The following CTNND2 variants were observed in gnomAD, a reference collection of about 807,000 sequenced individuals.
The protein encoded by CTNND2 is catenin delta-2.
Under a neutral mutation model 144.4 loss-of-function variants are expected in CTNND2, and 22 were observed. The observed-to-expected ratio is 0.15, with a 90% confidence interval of 0.11 to 0.22. CTNND2 has a LOEUF of 0.22. Ranked by LOEUF, CTNND2 falls within the 10% of genes least tolerant of loss-of-function variation. The pLI, the probability that CTNND2 is intolerant of heterozygous loss-of-function variation, is 1.00. For synonymous variants in CTNND2, 751 were observed against 695.6 expected, an observed-to-expected ratio of 1.08 and a Z score of -1.25; for missense variants, 1,353 against 1,618.8, an observed-to-expected ratio of 0.84 and a Z score of 2.82.
intron 18 of CTNND2, among the ~76,000 whole-genome samples, chr5:11,009,889 T>C (rs1487328393): frequency 7.2e-6 from 1 of 139,030 alleles, no homozygotes; most frequent in Non-Finnish European, 1.6e-5. Context: ...ATCATATGAG[T>C]GTCTGAGAGT....
rs2907102 is a variant in CTNND2, at chr5:11,075,408, G to A, written c.2788+7288C>T. Among the ~76,000 whole-genome samples the A allele has an allele frequency of 3.9e-5, 6 of 152,182 alleles. No individual in the cohort carries two copies. The South Asian group carries it at 8.3e-4, about 21-fold the overall frequency. ...TCAGTCAAAGGAAGATTCTTACACAGCCTCCCCAATGTGGTGAAGCAGCCA... is the reference window on the plus strand; with the variant it reads ...TCAGTCAAAGGAAGATTCTTACACAACCTCCCCAATGTGGTGAAGCAGCCA... On this transcript the variant is annotated intron_variant, in intron 16 of 21. Coordinates refer to ENST00000304623, the MANE Select transcript of CTNND2 (RefSeq NM_001332.4).
rs537386534 is a variant in CTNND2, at chr5:11,740,976, G to A, written c.38-8704C>T. On this transcript the variant is annotated intron_variant, in intron 1 of 21. Coordinates refer to ENST00000304623, the MANE Select transcript of CTNND2 (RefSeq NM_001332.4). ...ACAGACACATGAAAAAATTCTCATC[G>A]TCACTGGTCATCAGAGAAATGCAAA... 2.7e-4 allele frequency among the ~76,000 whole-genome samples: 41 copies of A among 152,160 alleles called. No homozygotes were observed. The South Asian group carries it at 4.4e-3, about 16-fold the overall frequency.
chr5:11,596,208 G>A (rs1274723993), intron 2 of CTNND2, among the ~76,000 whole-genome samples: 5 of 152,132 alleles, frequency 3.3e-5, no homozygotes, highest in Admixed American at 6.5e-5. Context: ...GAAATAACTC[G>A]ACTTGTTTGA....
chr5:11,605,421 A>G (rs1280593556), intron 2 of CTNND2, among the ~76,000 whole-genome samples: 1 of 152,248 alleles, frequency 6.6e-6, no homozygotes, highest in Non-Finnish European at 1.5e-5. Flanking sequence ...GGTAAGTCCT[A>G]TAAAGAAAGT....
chr5:11,183,518 A>G (rs1302750411), intron 11 of CTNND2, among the ~76,000 whole-genome samples: 1 of 151,202 alleles, frequency 6.6e-6, no homozygotes, highest in Admixed American at 6.6e-5. Flanking sequence ...CTAAGGCCCC[A>G]CTGCTAAAGA....
intron 12 of CTNND2, among the ~76,000 whole-genome samples, chr5:11,144,591 G>A (rs1014836020): frequency 2.0e-5 from 3 of 152,142 alleles, no homozygotes; most frequent in African/African-American, 7.2e-5. Context: ...CAAGGCCTTG[G>A]GGGTCTACCT....
chr5:11,140,192 G>A (rs1049617396), intron 12 of CTNND2, among the ~76,000 whole-genome samples: 2 of 152,154 alleles, frequency 1.3e-5, no homozygotes, highest in Non-Finnish European at 2.9e-5. Flanking sequence ...CTGAAGGTCA[G>A]ACTATTTTTT....
chr5:11,886,349 G>T (rs1325076801), intron 1 of CTNND2, among the ~76,000 whole-genome samples: 2 of 152,004 alleles, frequency 1.3e-5, no homozygotes, highest in Non-Finnish European at 2.9e-5. Context: ...AACCAGAAAT[G>T]AAAAAGGAGA....
intron 9 of CTNND2, among the ~76,000 whole-genome samples, chr5:11,304,568 G>A (rs1196151979): frequency 6.6e-6 from 1 of 152,138 alleles, no homozygotes; most frequent in Non-Finnish European, 1.5e-5. Flanking sequence ...ATAAAATCAG[G>A]TTTTGTTTTT....
intron 1 of CTNND2, among the ~76,000 whole-genome samples, chr5:11,865,138 G>A (rs770026522): frequency 3.9e-5 from 6 of 152,106 alleles, no homozygotes; most frequent in Middle Eastern, 3.4e-3. Context: ...CAGGTGATCC[G>A]CGTGCCTCGG....
intron 11 of CTNND2, among the ~76,000 whole-genome samples, chr5:11,169,170 A>C (rs1295146585): frequency 6.6e-6 from 1 of 152,150 alleles, no homozygotes; most frequent in African/African-American, 2.4e-5. Context: ...ACCTTGCAAT[A>C]CCCACCTTAA....
chr5:11,641,687 C>CGTGTGTGTATATACATATAT (rs1782025725), intron 2 of CTNND2, among the ~76,000 whole-genome samples: 1 of 115,188 alleles, frequency 8.7e-6, no homozygotes, highest in Non-Finnish European at 1.8e-5. Flanking sequence ...TATACATATA[C>CGTGTGTGTATATACATATAT]GTGTGTGTAT....
intron 7 of CTNND2, among the ~76,000 whole-genome samples, chr5:11,379,628 A>G (rs922842544): frequency 6.6e-5 from 10 of 152,280 alleles, no homozygotes; most frequent in African/African-American, 2.4e-4. Flanking sequence ...GTCGCTGACT[A>G]GCCTTTTTCT....
intron 3 of CTNND2, among the ~76,000 whole-genome samples, chr5:11,541,082 A>C (rs1356133353): frequency 1.3e-5 from 2 of 152,180 alleles, no homozygotes; most frequent in Non-Finnish European, 2.9e-5. Flanking sequence ...GGATGCCATC[A>C]ACTGAGGAGA....
chr5:11,640,348 G>A (rs1380963819), intron 2 of CTNND2, among the ~76,000 whole-genome samples: 2 of 152,168 alleles, frequency 1.3e-5, no homozygotes, highest in African/African-American at 4.8e-5. Context: ...AAGGTTCACT[G>A]AATGAATAGA....
intron 1 of CTNND2, among the ~76,000 whole-genome samples, chr5:11,753,446 T>G (rs1240929284): frequency 6.6e-6 from 1 of 151,932 alleles, no homozygotes; most frequent in African/African-American, 2.4e-5. Flanking sequence ...TTCATGTTTT[T>G]AGTTCTATTT....
intron 11 of CTNND2, among the ~76,000 whole-genome samples, chr5:11,179,011 G>A (rs574335761): frequency 1.6e-4 from 25 of 152,170 alleles, no homozygotes; most frequent in Non-Finnish European, 3.1e-4. Flanking sequence ...AAGATGGTAT[G>A]TTCAACAATG....
At chr5:11,775,491 C>T (rs1790203738) in intron 1 of CTNND2, among the ~76,000 whole-genome samples, 1 of 152,218 alleles carries the variant, frequency 6.6e-6, no homozygotes, top group Non-Finnish European at 1.5e-5. Context: ...TTGCACTGTC[C>T]CCAACTCTCT....
At chr5:11,751,871 A>G (rs1392164039) in intron 1 of CTNND2, among the ~76,000 whole-genome samples, 1 of 151,830 alleles carries the variant, frequency 6.6e-6, no homozygotes, top group East Asian at 1.9e-4. Context: ...CCTCACCAGC[A>G]TCTGTTACTA....
Sources: gnomAD v4.1 joint callset for allele counts (sites outside exome capture counted in the v4.1 genomes callset) on GRCh38, gnomAD v4.1.1 for gene constraint, MANE v1.5 for transcripts, NCBI Gene and HGNC (gene_info 2026-07-23, HGNC 2026-07-21) for gene names.